CHDH: variants seen among roughly 807,000 people sequenced by gnomAD.
The protein encoded by CHDH is choline dehydrogenase, mitochondrial.
In CHDH, 43 loss-of-function variants were observed where a neutral mutation model predicts 56.9. The ratio of observed to expected loss-of-function variants is 0.76; its 90% CI spans 0.59 to 0.97. The LOEUF is 0.97. Among genes scored for constraint, CHDH ranks in the 50% least tolerant of loss-of-function variants. The pLI is 0.00. For missense variants in CHDH, 816 were observed against 821.1 expected, an observed-to-expected ratio of 0.99 and a Z score of 0.08; for synonymous variants, 364 against 348.5, an observed-to-expected ratio of 1.04 and a Z score of -0.50.
At chr3:53,838,056 CAAAAAAAAAAAAAAAAA>C (rs34971544) in intron 2 of CHDH, among the ~76,000 whole-genome samples, 1 of 58,788 alleles carries the variant, frequency 1.7e-5, no homozygotes, top group African/African-American at 6.9e-5. Context: ...GACTCTGTCT[CAAAAAAAAAAAAAAAAA>C]AAAAAAAAAA....
In CHDH at chr3:53,819,247, C is replaced by A. The variant is rs1329660708; in HGVS notation, c.1264-207G>T. On this transcript the variant is annotated intron_variant, in intron 7 of 8. Transcript: ENST00000315251. This position sits in a 1 kb window ranked among gnomAD's most constrained non-coding sequence, Gnocchi z 5.4. Reference sequence around the variant, plus strand: ...CACTCTTTCATCCTGGCCTCATACTCCATGGCTCAAAGCTTTCAGAGGTGG... The same window carrying A: ...CACTCTTTCATCCTGGCCTCATACTACATGGCTCAAAGCTTTCAGAGGTGG... Among the ~76,000 whole-genome samples the A allele has an allele frequency of 6.6e-6, 1 of 152,220 alleles. No homozygotes were observed. Among genetic ancestry groups the A allele is most frequent in the Non-Finnish European group, 1.5e-5 (1 of 68,038 alleles).
rs2095618255 is a variant in CHDH, at chr3:53,817,708, A to T, written c.*69T>A. Reference sequence around the variant, plus strand: ...AGATAGTTTCAGGCAGGAGCCTGGGAGCAAGGGCTGTGCTGGCCCTCTTGG... The same window carrying T: ...AGATAGTTTCAGGCAGGAGCCTGGGTGCAAGGGCTGTGCTGGCCCTCTTGG... On this transcript the variant is annotated 3_prime_UTR_variant, in exon 9 of 9. Transcript: ENST00000315251. 1 of 1,371,122 alleles carries T rather than the reference A, an allele frequency of 7.3e-7. No individual in the cohort carries two copies. The highest frequency in any genetic ancestry group is 9.9e-7 in the Non-Finnish European group (1 of 1,010,196). 84.9% of individuals were successfully genotyped at this position (1,371,122 alleles called of 1,614,324 possible).
chr3:53,819,567 G>C lies in CHDH; in HGVS notation c.1228C>G (p.His410Asp). Residue 410 changes from histidine (H) to aspartate (D), a missense_variant, in exon 7 of 9, where the codon CAC becomes GAC. His to Asp is a moderately conservative substitution (Grantham distance 81). Transcript: ENST00000315251. This position sits in a 1 kb window ranked among gnomAD's most constrained non-coding sequence, Gnocchi z 5.4. Reference sequence around the variant, plus strand: ...TCCTGCTGGGTGGGGACCCGCCCGTGGTCAATCACTTGGGATGGCAGGAAA... The same window carrying C: ...TCCTGCTGGGTGGGGACCCGCCCGTCGTCAATCACTTGGGATGGCAGGAAA... ...FHFLPSQVIDHGRVPTQQEAY... is the reference protein window; with the variant it reads ...FHFLPSQVIDDGRVPTQQEAY... 1 of 1,612,750 alleles carries C rather than the reference G, an allele frequency of 6.2e-7. No homozygotes were observed. Among genetic ancestry groups the C allele is most frequent in the Non-Finnish European group, 8.5e-7 (1 of 1,179,308 alleles).
rs115362123 is a variant in CHDH, at chr3:53,841,364, A to G, written c.-130-365T>C. ...CGACTCCAGTACTTCCTATAAACAC[A>G]TCACAGGCGCTGCAAAGCCTGTTTG... is the stretch of plus-strand genomic sequence containing the variant. On this transcript the variant is annotated intron_variant, in intron 1 of 8. Transcript: ENST00000315251. Among the ~76,000 whole-genome samples, 810 of 152,212 alleles carry G rather than the reference A, an allele frequency of 5.3e-3. 3 individuals carry two copies. Among genetic ancestry groups the G allele is most frequent in the African/African-American group, 0.018 (749 of 41,528 alleles).
At chr3:53,822,985 ACTCTGTGC>A (rs1346586790) in intron 3 of CHDH, among the ~76,000 whole-genome samples, 1 of 151,362 alleles carries the variant, frequency 6.6e-6, no homozygotes, top group Admixed American at 6.6e-5. Flanking sequence ...GCCCTTCACC[ACTCTGTGC>A]CTCAGTTTCC....
In CHDH at chr3:53,816,879, C is replaced by CCTGT. The variant is rs1415622663; in HGVS notation, c.*894_*897dup. On this transcript the variant is annotated 3_prime_UTR_variant, in exon 9 of 9. Coordinates refer to ENST00000315251, the MANE Select transcript of CHDH (RefSeq NM_018397.5). ...TTTTTTTTTTGAGACAGGGTCTCACCCTGTCACCCAGGCTGGAGTGCAGTG... is the reference window on the plus strand; with the variant it reads ...TTTTTTTTTTGAGACAGGGTCTCACCCTGTCTGTCACCCAGGCTGGAGTGCAGTG... The CCTGT allele has an allele frequency of 6.9e-6, 1 of 145,370 alleles. No individual in the cohort carries two copies. The highest frequency in any genetic ancestry group is 1.5e-5 in the Non-Finnish European group (1 of 67,094). 9.0% of individuals were successfully genotyped at this position (145,370 alleles called of 1,614,324 possible). A position where few individuals can be genotyped will look rare whatever the true frequency, so the allele number is the denominator to read the frequency against.
At chr3:53,827,746 A>G (rs1351365239) in intron 2 of CHDH, among the ~76,000 whole-genome samples, 1 of 152,240 alleles carries the variant, frequency 6.6e-6, no homozygotes, top group Non-Finnish European at 1.5e-5. Context: ...TAAAAACTAA[A>G]TAAATGGAGA....
chr3:53,837,023 T>TAA (rs1056023303), intron 2 of CHDH, among the ~76,000 whole-genome samples: 2 of 151,510 alleles, frequency 1.3e-5, no homozygotes, highest in Non-Finnish European at 2.9e-5. Context: ...AAATTTTTTC[T>TAA]AAAAAAAAAC....
At chr3:53,838,529 A>G (rs1485276257) in intron 2 of CHDH, among the ~76,000 whole-genome samples, 1 of 152,160 alleles carries the variant, frequency 6.6e-6, no homozygotes, top group African/African-American at 2.4e-5. Context: ...GACCGAGGGG[A>G]TAGAAGGCGC....
chr3:53,828,198 C>G (rs1183095568), intron 2 of CHDH, among the ~76,000 whole-genome samples: 2 of 144,900 alleles, frequency 1.4e-5, no homozygotes, highest in African/African-American at 2.5e-5. Flanking sequence ...CACACACACA[C>G]AGAGTAAATA....
In CHDH at chr3:53,819,653, A is replaced by C; in HGVS notation, c.1142T>G (p.Leu381Arg). The part of the protein sequence containing the change: ...KFTGEGATAH[L>R]ETGGFIRSQP... ...GCTGCGGATGAACCCACCTGTTTCCAGATGGGCAGTGGCTCCCTCCCCTGA... is the reference window on the plus strand; with the variant it reads ...GCTGCGGATGAACCCACCTGTTTCCCGATGGGCAGTGGCTCCCTCCCCTGA... Residue 381 changes from leucine (L) to arginine (R), a missense_variant, in exon 7 of 9, where the codon CTG becomes CGG. Transcript: ENST00000315251. This position sits in a 1 kb window ranked among gnomAD's most constrained non-coding sequence, Gnocchi z 5.4. 1.2e-6 allele frequency: 2 copies of C among 1,607,798 alleles called. No homozygotes were observed. Among genetic ancestry groups the C allele is most frequent in the Non-Finnish European group, 1.7e-6 (2 of 1,176,684 alleles).
chr3:53,818,912 C>T lies in CHDH; in HGVS notation c.1366+26G>A, dbSNP rs191180694. The T allele has an allele frequency of 3.5e-6, 5 of 1,431,376 alleles. No homozygotes were observed. The African/African-American group carries it at 4.2e-5, about 12-fold the overall frequency. 88.7% of individuals were successfully genotyped at this position (1,431,376 alleles called of 1,614,324 possible). On this transcript the variant is annotated intron_variant, in intron 8 of 8. Transcript: ENST00000315251. ...ACAAAGGCATTCGTTTGTTCAAGCC[C>T]AGGAAGACACAGGTGGGTGAAGTAC... is the stretch of plus-strand genomic sequence containing the variant.
At chr3:53,843,457 GCA>G (rs1698744787) in intron 1 of CHDH, among the ~76,000 whole-genome samples, 1 of 152,066 alleles carries the variant, frequency 6.6e-6, no homozygotes, top group South Asian at 2.1e-4. Context: ...CGCTGTGGCT[GCA>G]CAGAGTCTGT....
intron 8 of CHDH, 21 bp from the exon 9 acceptor site, chr3:53,818,216 G>A (rs539816299): frequency 4.4e-5 from 69 of 1,571,700 alleles, no homozygotes; most frequent in Non-Finnish European, 5.7e-5. Context: ...GAAGAAACAG[G>A]TGAGGACCCC....
intron 2 of CHDH, among the ~76,000 whole-genome samples, chr3:53,824,527 G>A (rs2095635427): frequency 6.6e-6 from 1 of 152,204 alleles, no homozygotes; most frequent in Admixed American, 6.5e-5. Flanking sequence ...AAAACGGATG[G>A]TTTAGGGCCT....
At chr3:53,822,448 T>C in intron 4 of CHDH, 43 bp downstream of exon 4, 1 of 1,569,160 alleles carries the variant, frequency 6.4e-7, no homozygotes, top group Non-Finnish European at 8.7e-7. Context: ...CCAGGGTCAC[T>C]GCCCACCCCC....
chr3:53,835,521 TG>T (rs1426300731), intron 2 of CHDH, among the ~76,000 whole-genome samples: 28 of 152,342 alleles, frequency 1.8e-4, no homozygotes, highest in Non-Finnish European at 3.5e-4. Context: ...TGTGCCCATC[TG>T]GGGGTCATTT....
At position 53,823,467 on chromosome 3, in the gene CHDH, C is replaced by G; in HGVS notation, c.542G>C (p.Arg181Pro). The G allele has an allele frequency of 6.4e-7, 1 of 1,553,888 alleles. No homozygotes were observed. Among genetic ancestry groups the G allele is most frequent in the Non-Finnish European group, 8.7e-7 (1 of 1,149,922 alleles). ...CACCCGCAGCGGGCCATCGGCGCCC[C>G]GGTACCGGCTGGCGCCCAGCTCGTG... ...QGHELGASRYRGADGPLRVSR... is the reference protein window; with the variant it reads ...QGHELGASRYPGADGPLRVSR... Residue 181 changes from arginine to proline, a missense_variant, in exon 3 of 9, where the codon CGG (arginine) becomes CCG (proline). Arg to Pro is a moderately radical substitution (Grantham distance 103, BLOSUM62 -2). Transcript: ENST00000315251.
intron 2 of CHDH, among the ~76,000 whole-genome samples, chr3:53,824,545 G>GGACAA (rs1324277950): frequency 6.6e-6 from 1 of 152,172 alleles, no homozygotes; most frequent in African/African-American, 2.4e-5. Flanking sequence ...CCTGGGAAAA[G>GGACAA]GACAAGACTT....
Sources: allele counts gnomAD v4.1 joint callset (sites outside exome capture counted in the v4.1 genomes callset), GRCh38; gene constraint gnomAD v4.1.1; non-coding constraint Gnocchi (gnomAD v3.1); transcripts MANE v1.5; gene names NCBI Gene and HGNC (gene_info 2026-07-23, HGNC 2026-07-21).